SPAST: variants seen among roughly 807,000 people sequenced by gnomAD.
SPAST encodes the protein spastic paraplegia 4 (autosomal dominant; spastin).
In SPAST, 30 loss-of-function variants were observed where a neutral mutation model predicts 76.6. The observed-to-expected ratio is 0.39, with a 90% CI of 0.29 to 0.53. The LOEUF (loss-of-function observed/expected upper bound fraction) is 0.53. SPAST is among the 20% of genes least tolerant of loss of function. The pLI, the probability that SPAST is intolerant of heterozygous loss-of-function variation, is 0.68. For missense variants in SPAST, 717 were observed against 770.5 expected, an observed-to-expected ratio of 0.93 and a Z score of 0.82; for synonymous variants, 305 against 281.0, an observed-to-expected ratio of 1.09 and a Z score of -0.86.
At chr2:32,095,933 G>C (rs1197963784) in intron 3 of SPAST, among the ~76,000 whole-genome samples, 1 of 152,074 alleles carries the variant, frequency 6.6e-6, no homozygotes, top group African/African-American at 2.4e-5. Context: ...AGGAGCTTGG[G>C]CTCTTATCTG....
chr2:32,126,814 T>G, intron 7 of SPAST, 134 bp from the exon 8 acceptor site: 2 of 648,086 alleles, frequency 3.1e-6, no homozygotes, highest in East Asian at 2.8e-5. Flanking sequence ...AATTTATGAT[T>G]ATGTGTTTCC....
intron 4 of SPAST, among the ~76,000 whole-genome samples, chr2:32,109,601 T>C (rs1678455931): frequency 1.3e-5 from 2 of 151,246 alleles, no homozygotes; most frequent in Admixed American, 1.3e-4. Context: ...TTTTTTTCTA[T>C]CAGTTTTTGA....
Position 32,064,120 on chromosome 2 carries a change from C to A in SPAST, c.289C>A (p.Pro97Thr), listed in dbSNP as rs372005558. The change falls in exon 1 of 17, where the codon CCA (proline) becomes ACA (threonine). Residue 97 changes from proline (P) to threonine (T), a missense_variant. Transcript: ENST00000315285. ...MAAKRSSGAA[P>T]APASASAPAP... Reference sequence around the variant, plus strand: ...AGCCAAGAGGAGCTCCGGGGCCGCGCCAGCACCTGCCTCGGCCTCGGCCCC... The same window carrying A: ...AGCCAAGAGGAGCTCCGGGGCCGCGACAGCACCTGCCTCGGCCTCGGCCCC... 2.7e-4 allele frequency: 427 copies of A among 1,592,838 alleles called. 2 individuals are homozygous for A. The highest frequency in any genetic ancestry group is 4.1e-4 in the Admixed American group (23 of 56,604).
chr2:32,092,105 T>G (rs904847824), intron 3 of SPAST, among the ~76,000 whole-genome samples: 2 of 152,204 alleles, frequency 1.3e-5, no homozygotes, highest in African/African-American at 4.8e-5. Flanking sequence ...TTATTCATTC[T>G]TTAATTCATT....
At position 32,087,861 on chromosome 2, in the gene SPAST, A is replaced by AATTATTATT. The variant is rs34216464; in HGVS notation, c.502+306_502+314dup. Among the ~76,000 whole-genome samples the AATTATTATT allele has an allele frequency of 1.1e-4, 16 of 141,352 alleles. No individual in the cohort carries two copies. The East Asian group carries it at 1.5e-3, about 13-fold the overall frequency. 92.7% of individuals were successfully genotyped at this position (141,352 alleles called of 152,430 possible). ...CAGGCGCACACTACCATACTTAGCTAATTATTATTATTATTATTATTATTA... is the reference window on the plus strand; with the variant it reads ...CAGGCGCACACTACCATACTTAGCTAATTATTATTATTATTATTATTATTATTATTATTA... On this transcript the variant is annotated intron_variant, in intron 2 of 16. Transcript: ENST00000315285.
chr2:32,071,102 T>C (rs536116637), intron 1 of SPAST, among the ~76,000 whole-genome samples: 101 of 152,324 alleles, frequency 6.6e-4, no homozygotes, highest in African/African-American at 2.3e-3. Flanking sequence ...CTAGAACATA[T>C]CATGTTCTGC....
rs1680152178 is a variant in SPAST at position 32,153,407 on chromosome 2, T to G, written c.1729-967T>G. Among the ~76,000 whole-genome samples, 4 of 137,400 alleles carry G rather than the reference T, an allele frequency of 2.9e-5. No individual in the cohort carries two copies. The South Asian group carries it at 7.2e-4, about 25-fold the overall frequency. The allele number at this position is 137,400 out of a possible 152,430, so 90.1% of individuals were successfully genotyped here. A position where few individuals can be genotyped will look rare whatever the true frequency, so the allele number is the denominator to read the frequency against. The stretch of plus-strand genomic sequence containing the variant: ...GCACGATCTCGGCTCACTTACAACC[T>G]CCACCTCCCAGGTTCAAGCGATTCT... On this transcript the variant is annotated intron_variant, in intron 16 of 16. Coordinates refer to ENST00000315285, the MANE Select transcript of SPAST (RefSeq NM_014946.4).
chr2:32,096,006 C>T (rs1401808495), intron 3 of SPAST, among the ~76,000 whole-genome samples: 2 of 152,170 alleles, frequency 1.3e-5, no homozygotes, highest in Admixed American at 1.3e-4. Context: ...AGGTTTTCCT[C>T]TCCAGTAGAT....
At chr2:32,064,271 G>A (rs1001803983) in intron 1 of SPAST, 25 bp downstream of exon 1, 1 of 1,509,250 alleles carries the variant, frequency 6.6e-7, no homozygotes, top group Non-Finnish European at 9.0e-7. Context: ...GGGGGAGGGG[G>A]CGGCGGCGCC....
At chr2:32,068,269 C>T (rs1212574695) in intron 1 of SPAST, among the ~76,000 whole-genome samples, 2 of 151,114 alleles carry the variant, frequency 1.3e-5, no homozygotes, top group African/African-American at 2.4e-5. Flanking sequence ...TGAGCCACCG[C>T]GCCCGGCACA....
intron 1 of SPAST, among the ~76,000 whole-genome samples, chr2:32,083,637 T>TA (rs2148705203): frequency 8.0e-6 from 1 of 125,004 alleles, no homozygotes; most frequent in South Asian, 2.8e-4. Flanking sequence ...TGGCAATACT[T>TA]ATATTTGACT....
In SPAST at chr2:32,112,243, G is replaced by A. The variant is rs562201379; in HGVS notation, c.683-2395G>A. On this transcript the variant is annotated intron_variant, in intron 4 of 16. Transcript: ENST00000315285. ...GCTAGGATTACAGGCATGAACCACT[G>A]CGTCTGGCCTTAAGTTATTATTGAC... Among the ~76,000 whole-genome samples the A allele has an allele frequency of 6.6e-5, 10 of 151,854 alleles. No homozygotes were observed. The East Asian group carries it at 1.9e-3, about 29-fold the overall frequency.
At chr2:32,120,415 C>T (rs1017202816) in intron 7 of SPAST, among the ~76,000 whole-genome samples, 6 of 152,002 alleles carry the variant, frequency 3.9e-5, no homozygotes, top group African/African-American at 1.4e-4. Context: ...AGCCAAGTAG[C>T]GTACTATTTT....
Position 32,145,016 on chromosome 2 carries a change from A to G in SPAST, c.1687+9A>G, listed in dbSNP as rs1172094630. The G allele has an allele frequency of 1.2e-6, 2 of 1,601,218 alleles. No homozygotes were observed. The highest frequency in any genetic ancestry group is 2.7e-5 in the African/African-American group (2 of 74,678). On this transcript the variant is annotated intron_variant, in intron 15 of 16. Transcript: ENST00000315285. ...ACTGGGTCCTATCCGAGGTAGGTATACAAGAGCTTAAAACATTTAGAACTA... is the reference window on the plus strand; with the variant it reads ...ACTGGGTCCTATCCGAGGTAGGTATGCAAGAGCTTAAAACATTTAGAACTA...
chr2:32,150,929 C>T (rs143371878), intron 16 of SPAST, among the ~76,000 whole-genome samples: 27 of 149,506 alleles, frequency 1.8e-4, no homozygotes, highest in African/African-American at 5.7e-4. Flanking sequence ...TATATTGTTA[C>T]AATATTTGGT....
chr2:32,136,179 C>G (rs1679530528), intron 9 of SPAST, among the ~76,000 whole-genome samples: 2 of 152,116 alleles, frequency 1.3e-5, no homozygotes, highest in African/African-American at 4.8e-5. Flanking sequence ...AGAGCACATT[C>G]CAACTTACTT....
intron 4 of SPAST, among the ~76,000 whole-genome samples, chr2:32,109,420 A>C (rs1382725556): frequency 6.6e-6 from 1 of 152,068 alleles, no homozygotes; most frequent in African/African-American, 2.4e-5. Context: ...TAATTTTTAA[A>C]TACTGTAAGG....
rs114791533 is a variant in SPAST at position 32,128,633 on chromosome 2, A to G, written c.1245+154A>G. 2,149 of 657,528 alleles carry G rather than the reference A, an allele frequency of 3.3e-3. 9 individuals carry two copies. Among genetic ancestry groups the G allele is most frequent in the Admixed American group, 4.8e-3 (210 of 43,422 alleles). 40.7% of individuals were successfully genotyped at this position (657,528 alleles called of 1,614,324 possible). On this transcript the variant is annotated intron_variant, in intron 9 of 16. Coordinates refer to ENST00000315285, the MANE Select transcript of SPAST (RefSeq NM_014946.4). Reference sequence around the variant, plus strand: ...TATGATGAATATCTATCTTCAGAGTAGAAAGTTATGTACATTTGTGTTGTC... The same window carrying G: ...TATGATGAATATCTATCTTCAGAGTGGAAAGTTATGTACATTTGTGTTGTC...
At chr2:32,141,030 G>T (rs1679703955) in intron 12 of SPAST, among the ~76,000 whole-genome samples, 2 of 147,980 alleles carry the variant, frequency 1.4e-5, no homozygotes, top group African/African-American at 2.5e-5. Context: ...GAGTTTTCTT[G>T]GAAAACCTAG....
Sources: allele counts gnomAD v4.1 joint callset (sites outside exome capture counted in the v4.1 genomes callset), GRCh38; gene constraint gnomAD v4.1.1; transcripts MANE v1.5; gene names NCBI Gene and HGNC (gene_info 2026-07-23, HGNC 2026-07-21).